BMPER: variants seen among roughly 807,000 people sequenced by gnomAD.
BMPER encodes BMP binding endothelial regulator, also known as BMP-binding endothelial regulator protein.
BMPER carries 45 observed loss-of-function variants against 87.3 expected under a neutral mutation model. The observed-to-expected ratio is 0.52, with a 90% CI of 0.41 to 0.66. The LOEUF (loss-of-function observed/expected upper bound fraction) is 0.66, where lower values mean the gene tolerates loss of function less well. Ranked by LOEUF, BMPER falls within the 30% of genes least tolerant of loss-of-function variation. BMPER has a pLI of 0.00. For missense variants in BMPER, 784 were observed against 867.5 expected (o/e 0.90, Z 1.21); for synonymous variants, 326 against 316.2 (o/e 1.03, Z -0.33).
intron 13 of BMPER, among the ~76,000 whole-genome samples, chr7:34,124,563 A>AT (rs1562758983): frequency 1.3e-5 from 2 of 151,716 alleles, no homozygotes; most frequent in African/African-American, 2.4e-5. Context: ...TTTATAGCTG[A>AT]TTTTTTTGAA....
intron 14 of BMPER, among the ~76,000 whole-genome samples, chr7:34,149,110 TG>T (rs1791104682): frequency 6.6e-6 from 1 of 152,134 alleles, no homozygotes; most frequent in Admixed American, 6.6e-5. Flanking sequence ...ATAAGAGTCC[TG>T]CCCTCAAGAG....
intron 11 of BMPER, 78 bp downstream of exon 11, chr7:34,062,125 T>C: frequency 7.7e-7 from 1 of 1,301,164 alleles, no homozygotes; most frequent in Non-Finnish European, 1.1e-6. Context: ...TAGGGGTGTA[T>C]GTTTCCCACA....
chr7:33,974,294 A>G (rs960913765), intron 5 of BMPER, among the ~76,000 whole-genome samples: 1 of 152,072 alleles, frequency 6.6e-6, no homozygotes, highest in African/African-American at 2.4e-5. Flanking sequence ...TACTCATTGA[A>G]TGGGGCCCCT....
At chr7:34,047,201 T>C (rs1787997495) in intron 7 of BMPER, among the ~76,000 whole-genome samples, 1 of 152,292 alleles carries the variant, frequency 6.6e-6, no homozygotes, top group Non-Finnish European at 1.5e-5. Flanking sequence ...GGACAACTCA[T>C]GATGGGTATT....
intron 13 of BMPER, among the ~76,000 whole-genome samples, chr7:34,104,368 A>G (rs1447024049): frequency 1.3e-5 from 2 of 152,118 alleles, no homozygotes; most frequent in Non-Finnish European, 2.9e-5. Context: ...CCCCCTCCCA[A>G]CACACCCCAG....
Position 33,998,059 on chromosome 7 carries a change from T to C in BMPER, c.576+23275T>C, listed in dbSNP as rs1250112063. 3.3e-5 allele frequency among the ~76,000 whole-genome samples: 5 copies of C among 152,264 alleles called. No homozygotes were observed. In the East Asian group the frequency reaches 9.6e-4, roughly 29 times the overall value. On this transcript the variant is annotated intron_variant, in intron 6 of 14. Coordinates refer to ENST00000649409, the MANE Select transcript of BMPER (RefSeq NM_001365308.1). ...TACAAGCTCCATTAGGACTGGGACA[T>C]TGTTTTGTTCATTGCTGTATCTCCA...
In BMPER at chr7:33,971,067, C is replaced by T. The variant is rs149759106; in HGVS notation, c.493+648C>T. On this transcript the variant is annotated intron_variant, in intron 5 of 14. Coordinates refer to ENST00000649409, the MANE Select transcript of BMPER (RefSeq NM_001365308.1). ...AGAGATTTTTTTCTGATCTCTTAAG[C>T]CACTGGCCAATAATCTCTGACAGGT... 2.5e-3 allele frequency among the ~76,000 whole-genome samples: 373 copies of T among 152,210 alleles called. 2 individuals are homozygous for T. Among genetic ancestry groups the T allele is most frequent in the African/African-American group, 8.5e-3 (352 of 41,552 alleles).
rs757963517 is a variant in BMPER at position 34,062,060 on chromosome 7, C to T, written c.1078+13C>T. The T allele has an allele frequency of 8.1e-6, 13 of 1,607,422 alleles. No individual in the cohort carries two copies. The East Asian group carries it at 2.9e-4, about 36-fold the overall frequency. ...ATTTGCACTGAAAGTAAGTTTATTCCTTTGAAAATGTGCTATTAGTATTTG... is the reference window on the plus strand; with the variant it reads ...ATTTGCACTGAAAGTAAGTTTATTCTTTTGAAAATGTGCTATTAGTATTTG... On this transcript the variant is annotated intron_variant, in intron 11 of 14. Coordinates refer to ENST00000649409, the MANE Select transcript of BMPER (RefSeq NM_001365308.1).
chr7:34,140,478 A>G (rs545057740), intron 13 of BMPER, among the ~76,000 whole-genome samples: 110 of 152,292 alleles, frequency 7.2e-4, no homozygotes, highest in Non-Finnish European at 1.4e-3. Flanking sequence ...TCTCTCACAC[A>G]TTGTTCTCCA....
intron 7 of BMPER, among the ~76,000 whole-genome samples, 158 bp from the exon 8 acceptor site, chr7:34,051,703 G>C (rs1018740033): frequency 1.3e-5 from 2 of 152,016 alleles, no homozygotes; most frequent in African/African-American, 4.8e-5. Flanking sequence ...TGACTCCTGG[G>C]GATCCTTTAG....
intron 13 of BMPER, among the ~76,000 whole-genome samples, chr7:34,096,494 C>T (rs1278395188): frequency 3.9e-5 from 6 of 152,248 alleles, no homozygotes; most frequent in African/African-American, 1.4e-4. Context: ...GGGGCATGTG[C>T]AAATACGAAA....
chr7:33,931,462 A>T (rs145196468), intron 2 of BMPER, among the ~76,000 whole-genome samples: 207 of 152,352 alleles, frequency 1.4e-3, no homozygotes, highest in African/African-American at 4.6e-3. Flanking sequence ...GTCTACAGAG[A>T]TCTTTAGAAG....
chr7:34,004,184 C>T (rs1209373213), intron 6 of BMPER, among the ~76,000 whole-genome samples: 1 of 152,098 alleles, frequency 6.6e-6, no homozygotes, highest in Non-Finnish European at 1.5e-5. Context: ...TGCTGTTGAA[C>T]TCCTGCAGGA....
chr7:33,973,693 G>A (rs1302105287), intron 5 of BMPER, among the ~76,000 whole-genome samples: 1 of 152,200 alleles, frequency 6.6e-6, no homozygotes, highest in African/African-American at 2.4e-5. Flanking sequence ...TCTTTCACAA[G>A]ACCCTGCTTT....
chr7:33,966,430 C>T, intron 3 of BMPER, 49 bp from the exon 4 acceptor site: 1 of 1,504,612 alleles, frequency 6.6e-7, no homozygotes, highest in Non-Finnish European at 9.2e-7. Flanking sequence ...GTAAAGGAAA[C>T]CCATACCCAT....
intron 13 of BMPER, among the ~76,000 whole-genome samples, chr7:34,087,439 G>A: frequency 6.6e-6 from 1 of 152,122 alleles, no homozygotes; most frequent in Admixed American, 6.5e-5. Context: ...AGAACTTTGT[G>A]GTGCCCCAGG....
chr7:34,100,452 G>A (rs1461492763), intron 13 of BMPER, among the ~76,000 whole-genome samples: 2 of 152,160 alleles, frequency 1.3e-5, no homozygotes, highest in Non-Finnish European at 2.9e-5. Context: ...GCCAGGGAGT[G>A]TTGTACTGCA....
intron 14 of BMPER, among the ~76,000 whole-genome samples, chr7:34,152,086 C>A (rs1013027496): frequency 1.8e-4 from 27 of 152,190 alleles, no homozygotes; most frequent in African/African-American, 6.3e-4. Flanking sequence ...CAAACCAGTT[C>A]TATCTTTAAA....
At chr7:33,971,055 T>C (rs1314024245) in intron 5 of BMPER, among the ~76,000 whole-genome samples, 1 of 152,232 alleles carries the variant, frequency 6.6e-6, no homozygotes, top group African/African-American at 2.4e-5. Flanking sequence ...GATTTTTTTC[T>C]GATCTCTTAA....
Sources: gnomAD v4.1 joint callset for allele counts (sites outside exome capture counted in the v4.1 genomes callset) on GRCh38, gnomAD v4.1.1 for gene constraint, MANE v1.5 for transcripts, NCBI Gene and HGNC (gene_info 2026-07-23, HGNC 2026-07-21) for gene names.